Variants in PDE7B observed in about 807,000 individuals in gnomAD.
The protein encoded by PDE7B is 3',5'-cyclic-AMP phosphodiesterase 7B.
Under a neutral mutation model 56.2 loss-of-function variants are expected in PDE7B, and 29 were observed. The observed-to-expected ratio is 0.52, with a 90% confidence interval of 0.38 to 0.70. The LOEUF (loss-of-function observed/expected upper bound fraction) is 0.70. PDE7B is among the 30% of genes least tolerant of loss of function. PDE7B has a pLI of 0.00. For synonymous variants in PDE7B, 197 were observed against 196.9 expected, an observed-to-expected ratio of 1.00 and a Z score of 0.00; for missense variants, 490 against 565.0, an observed-to-expected ratio of 0.87 and a Z score of 1.35.
intron 1 of PDE7B, among the ~76,000 whole-genome samples, chr6:135,901,093 C>T (rs1183138373): frequency 1.3e-5 from 2 of 152,124 alleles, no homozygotes; most frequent in African/African-American, 4.8e-5. Flanking sequence ...AAGTAGCAAC[C>T]GCTGCTAAGG....
At chr6:136,038,682 C>T (rs1235848250) in intron 2 of PDE7B, among the ~76,000 whole-genome samples, 1 of 152,144 alleles carries the variant, frequency 6.6e-6, no homozygotes, top group Admixed American at 6.5e-5. Flanking sequence ...GATAGAAATG[C>T]ATCTTGAAAT....
intron 2 of PDE7B, among the ~76,000 whole-genome samples, chr6:136,092,613 T>C (rs1348729291): frequency 6.6e-6 from 1 of 152,032 alleles, no homozygotes; most frequent in Non-Finnish European, 1.5e-5. Flanking sequence ...ACACAAAAAT[T>C]AGCTGGGCGT....
chr6:136,129,243 C>T (rs765794448), intron 3 of PDE7B, among the ~76,000 whole-genome samples: 2 of 152,168 alleles, frequency 1.3e-5, no homozygotes, highest in Non-Finnish European at 2.9e-5. Context: ...TCACAGTCTG[C>T]AGGCTCTGCC....
chr6:136,095,504 G>A (rs376997380), intron 2 of PDE7B, among the ~76,000 whole-genome samples: 8 of 152,160 alleles, frequency 5.3e-5, no homozygotes, highest in East Asian at 3.9e-4. Flanking sequence ...ACAGAGGATC[G>A]GATGAGGCCC....
At chr6:135,862,233 G>A (rs1286981380) in intron 1 of PDE7B, among the ~76,000 whole-genome samples, 1 of 151,750 alleles carries the variant, frequency 6.6e-6, no homozygotes, top group Non-Finnish European at 1.5e-5. Context: ...ACATTTGAAA[G>A]TTTCCTTTTA....
chr6:135,982,356 G>C (rs1179487610), intron 2 of PDE7B, among the ~76,000 whole-genome samples: 1 of 152,054 alleles, frequency 6.6e-6, no homozygotes, highest in African/African-American at 2.4e-5. Context: ...TCTCGGCCCA[G>C]ACAGGCTTTC....
chr6:135,871,341 C>A (rs1443300389), intron 1 of PDE7B, among the ~76,000 whole-genome samples: 2 of 152,190 alleles, frequency 1.3e-5, no homozygotes, highest in Non-Finnish European at 2.9e-5. Flanking sequence ...CCCACAAAAG[C>A]CTGTGTAACC....
intron 1 of PDE7B, among the ~76,000 whole-genome samples, chr6:135,871,968 T>TA (rs1296351957): frequency 5.9e-5 from 9 of 152,312 alleles, no homozygotes; most frequent in Non-Finnish European, 1.0e-4. Flanking sequence ...TGTGGAGCAA[T>TA]AATAACAGAA....
chr6:135,886,515 C>T (rs1394738166), intron 1 of PDE7B, among the ~76,000 whole-genome samples: 1 of 109,554 alleles, frequency 9.1e-6, no homozygotes, highest in African/African-American at 4.2e-5. Context: ...TCTTTTATCC[C>T]TCACTCCCCT....
intron 2 of PDE7B, among the ~76,000 whole-genome samples, chr6:136,023,717 C>A (rs1008495933): frequency 2.0e-5 from 3 of 151,804 alleles, no homozygotes; most frequent in Non-Finnish European, 4.4e-5. Flanking sequence ...ATTATAGGAG[C>A]CTCATGGCAA....
At chr6:135,934,762 A>AAT (rs1232831738) in intron 1 of PDE7B, among the ~76,000 whole-genome samples, 12 of 80,860 alleles carry the variant, frequency 1.5e-4, no homozygotes, top group South Asian at 4.4e-4. Flanking sequence ...ATATTTTTTA[A>AAT]ATATATATAT....
At chr6:136,106,432 G>T (rs1777646059) in intron 2 of PDE7B, among the ~76,000 whole-genome samples, 1 of 152,282 alleles carries the variant, frequency 6.6e-6, no homozygotes, top group South Asian at 2.1e-4. Flanking sequence ...CAACGGTATT[G>T]TAGAAAGAGC....
chr6:135,918,041 A>T (rs1891362), intron 1 of PDE7B, among the ~76,000 whole-genome samples: 3 of 152,112 alleles, frequency 2.0e-5, no homozygotes, highest in African/African-American at 7.2e-5. Flanking sequence ...GAGGAGGTTA[A>T]TATTTGTCCA....
intron 2 of PDE7B, among the ~76,000 whole-genome samples, chr6:136,008,933 G>T (rs546372080): frequency 1.3e-5 from 2 of 152,122 alleles, no homozygotes; most frequent in Non-Finnish European, 2.9e-5. Context: ...TAATGGTATT[G>T]CCTAGGTTTT....
chr6:136,184,318 C>T (rs999917824), intron 11 of PDE7B, among the ~76,000 whole-genome samples: 5 of 152,108 alleles, frequency 3.3e-5, no homozygotes, highest in African/African-American at 1.2e-4. Context: ...ATTGGAAAAC[C>T]TCTAATGATA....
chr6:136,067,102 C>G (rs1219501450), intron 2 of PDE7B, among the ~76,000 whole-genome samples: 1 of 152,184 alleles, frequency 6.6e-6, no homozygotes, highest in Non-Finnish European at 1.5e-5. Context: ...CCTCCCACCT[C>G]AGCTTCCCAA....
chr6:136,192,369 T>C lies in PDE7B; in HGVS notation c.*529T>C, dbSNP rs1433027750. On this transcript the variant is annotated 3_prime_UTR_variant, in exon 13 of 13. Transcript: ENST00000308191. ...AAAAATAATAAATCTTTTTAACTTTTATATTTTATGCACTAGACAATGGAT... is the reference window on the plus strand; with the variant it reads ...AAAAATAATAAATCTTTTTAACTTTCATATTTTATGCACTAGACAATGGAT... The C allele has an allele frequency of 6.6e-6, 1 of 152,202 alleles. No individual in the cohort carries two copies. The highest frequency in any genetic ancestry group is 1.5e-5 in the Non-Finnish European group (1 of 68,036). 9.4% of individuals were successfully genotyped at this position (152,202 alleles called of 1,614,324 possible).
chr6:136,021,189 T>A (rs1197822019), intron 2 of PDE7B, among the ~76,000 whole-genome samples: 2 of 152,334 alleles, frequency 1.3e-5, no homozygotes, highest in Middle Eastern at 3.4e-3. Context: ...CTACTTGACA[T>A]CAACTTAGGT....
chr6:136,185,742 G>GTC, intron 11 of PDE7B, among the ~76,000 whole-genome samples: 1 of 152,178 alleles, frequency 6.6e-6, no homozygotes, highest in Admixed American at 6.5e-5. Context: ...TCTAGCCTGG[G>GTC]TGACAGAGTA....
Sources: allele counts gnomAD v4.1 joint callset (sites outside exome capture counted in the v4.1 genomes callset), GRCh38; gene constraint gnomAD v4.1.1; transcripts MANE v1.5; gene names NCBI Gene and HGNC (gene_info 2026-07-23, HGNC 2026-07-21).